SLC41A2: variants seen among roughly 807,000 people sequenced by gnomAD.
SLC41A2 encodes the protein solute carrier family 41 member 2, also known as SLC41A1-like 1.
Under a neutral mutation model 58.3 loss-of-function variants are expected in SLC41A2, and 32 were observed. The observed-to-expected ratio is 0.55, with a 90% CI of 0.41 to 0.74. The LOEUF (loss-of-function observed/expected upper bound fraction) is 0.74. Ranked by LOEUF, SLC41A2 falls within the 30% of genes least tolerant of loss-of-function variation. The pLI is 0.00. For synonymous variants in SLC41A2, 190 were observed against 235.0 expected (o/e 0.81, Z 1.75); for missense variants, 514 against 680.6 (o/e 0.76, Z 2.72).
chr12:104,817,485 T>C (rs1420870044), intron 10 of SLC41A2, among the ~76,000 whole-genome samples: 3 of 152,198 alleles, frequency 2.0e-5, no homozygotes, highest in Non-Finnish European at 4.4e-5. Flanking sequence ...TTAAACACTT[T>C]TGTAATGACA....
intron 2 of SLC41A2, among the ~76,000 whole-genome samples, chr12:104,914,019 G>A (rs1255362362): frequency 3.9e-5 from 6 of 151,982 alleles, no homozygotes; most frequent in Admixed American, 6.6e-5. Context: ...CTGAGACGGC[G>A]CCATTGCATT....
intron 2 of SLC41A2, among the ~76,000 whole-genome samples, chr12:104,918,297 C>A (rs1051456156): frequency 1.3e-5 from 2 of 151,908 alleles, no homozygotes; most frequent in African/African-American, 4.8e-5. Flanking sequence ...GGAATCTGAC[C>A]TATAAACAAA....
At chr12:104,843,637 C>T (rs939166276) in intron 10 of SLC41A2, among the ~76,000 whole-genome samples, 4 of 152,060 alleles carry the variant, frequency 2.6e-5, no homozygotes, top group Non-Finnish European at 5.9e-5. Flanking sequence ...ATTTGGTATA[C>T]TTATTTAACA....
rs573466698 is a variant in SLC41A2, at chr12:104,874,343, C to T, written c.1028-7764G>A. Among the ~76,000 whole-genome samples the T allele has an allele frequency of 1.1e-3, 161 of 152,086 alleles. 1 individual carries two copies. Among genetic ancestry groups the T allele is most frequent in the African/African-American group, 1.2e-3 (48 of 41,508 alleles). On this transcript the variant is annotated intron_variant, in intron 6 of 10. Transcript: ENST00000258538. Reference sequence around the variant, plus strand: ...CCCGCCTCGGCCTCCCAAAGTCCTGCGATTACAGGCGTGAGCCATCACGCC... The same window carrying T: ...CCCGCCTCGGCCTCCCAAAGTCCTGTGATTACAGGCGTGAGCCATCACGCC...
At chr12:104,871,794 A>G (rs2043791311) in intron 6 of SLC41A2, among the ~76,000 whole-genome samples, 1 of 152,236 alleles carries the variant, frequency 6.6e-6, no homozygotes, top group Non-Finnish European at 1.5e-5. Flanking sequence ...TGTTTTGTAT[A>G]TGGCACTATA....
chr12:104,906,596 G>T (rs540977747), intron 3 of SLC41A2, among the ~76,000 whole-genome samples: 42 of 152,140 alleles, frequency 2.8e-4, no homozygotes, highest in African/African-American at 9.4e-4. Context: ...TATTTGTCAA[G>T]GTACACAGAA....
chr12:104,940,544 AG>A (rs1565918613), intron 1 of SLC41A2, among the ~76,000 whole-genome samples: 3 of 143,638 alleles, frequency 2.1e-5, no homozygotes, highest in Admixed American at 1.4e-4. Flanking sequence ...AAAAAAAAAA[AG>A]GCTCACCTCT....
chr12:104,949,360 G>C (rs548979970), intron 1 of SLC41A2, among the ~76,000 whole-genome samples: 2 of 152,286 alleles, frequency 1.3e-5, no homozygotes, highest in African/African-American at 4.8e-5. Context: ...TATAACTTTA[G>C]TACCTGCTCC....
chr12:104,925,685 T>C (rs2046809281), intron 2 of SLC41A2, among the ~76,000 whole-genome samples: 2 of 152,234 alleles, frequency 1.3e-5, no homozygotes, highest in African/African-American at 4.8e-5. Context: ...TTTCCAATTA[T>C]ATGCGTGCTG....
At chr12:104,818,811 AG>A (rs1204383296) in intron 10 of SLC41A2, among the ~76,000 whole-genome samples, 1 of 152,178 alleles carries the variant, frequency 6.6e-6, no homozygotes, top group African/African-American at 2.4e-5. Context: ...CAGGGGGCAG[AG>A]GTTGCAGTAA....
intron 3 of SLC41A2, among the ~76,000 whole-genome samples, chr12:104,902,821 A>G (rs2045623605): frequency 6.6e-6 from 1 of 152,204 alleles, no homozygotes; most frequent in Non-Finnish European, 1.5e-5. Flanking sequence ...TCATTAACTT[A>G]GAGTTTCTTA....
At chr12:104,860,244 C>T (rs1227266681) in intron 8 of SLC41A2, among the ~76,000 whole-genome samples, 1 of 151,598 alleles carries the variant, frequency 6.6e-6, no homozygotes, top group Non-Finnish European at 1.5e-5. Flanking sequence ...AGGTGGGGGG[C>T]AAGGGGAGGG....
chr12:104,839,699 T>C (rs2042339670), intron 10 of SLC41A2, among the ~76,000 whole-genome samples: 1 of 152,066 alleles, frequency 6.6e-6, no homozygotes, highest in Non-Finnish European at 1.5e-5. Context: ...GAGATGGTGT[T>C]TCACCATGTT....
intron 8 of SLC41A2, among the ~76,000 whole-genome samples, chr12:104,853,396 A>G (rs1272249573): frequency 6.6e-6 from 1 of 152,232 alleles, no homozygotes; most frequent in African/African-American, 2.4e-5. Context: ...GTACCTCTGC[A>G]TTTTCACCTA....
Position 104,928,262 on chromosome 12 carries a change from A to G in SLC41A2, c.266T>C (p.Phe89Ser). Residue 89 changes from phenylalanine (F) to serine (S), a missense_variant, in exon 2 of 11, where the codon TTC (phenylalanine) becomes TCC (serine). Transcript: ENST00000258538. ...RSEQHMEYHS[F>S]SEQSFHANNG... ...ATTGGCATGAAAAGACTGCTCTGAG[A>G]AACTGTGATACTCCATGTGTTGCTC... The G allele has an allele frequency of 1.9e-6, 3 of 1,613,972 alleles. No homozygotes were observed. Among genetic ancestry groups the G allele is most frequent in the Non-Finnish European group, 2.5e-6 (3 of 1,179,870 alleles).
intron 1 of SLC41A2, among the ~76,000 whole-genome samples, chr12:104,943,404 T>C (rs752263494): frequency 3.3e-5 from 5 of 152,154 alleles, no homozygotes; most frequent in Non-Finnish European, 7.4e-5. Flanking sequence ...CTAGCAGCTA[T>C]AATATTGCTC....
At chr12:104,844,366 T>TG (rs1398693323) in intron 10 of SLC41A2, 106 bp downstream of exon 10, 1 of 709,026 alleles carries the variant, frequency 1.4e-6, no homozygotes, top group East Asian at 3.1e-5. Context: ...AGATGTTCAG[T>TG]TGATTTTTGA....
At chr12:104,832,322 A>G (rs554659646) in intron 10 of SLC41A2, among the ~76,000 whole-genome samples, 4 of 152,302 alleles carry the variant, frequency 2.6e-5, no homozygotes, top group Non-Finnish European at 4.4e-5. Context: ...TTTAATGCCA[A>G]TCCAGGAAAA....
In SLC41A2 at chr12:104,945,430, G is replaced by A. The variant is rs536289624; in HGVS notation, c.-168+12658C>T. On this transcript the variant is annotated intron_variant, in intron 1 of 10. Transcript: ENST00000258538. ...CAGGAGAATGGCATGAACACAGGAG[G>A]TGGAGCTTGCAGTGAGCCGAGATCG... Among the ~76,000 whole-genome samples, 4 of 151,876 alleles carry A rather than the reference G, an allele frequency of 2.6e-5. No homozygotes were observed. In the South Asian group the frequency reaches 8.3e-4, roughly 32 times the overall value.
Sources: gnomAD v4.1 joint callset for allele counts (sites outside exome capture counted in the v4.1 genomes callset) on GRCh38, gnomAD v4.1.1 for gene constraint, MANE v1.5 for transcripts, NCBI Gene and HGNC (gene_info 2026-07-23, HGNC 2026-07-21) for gene names.